Variants in IL1RAP observed in about 807,000 individuals in gnomAD.
IL1RAP encodes the protein interleukin 1 receptor accessory protein, also known as interleukin-1 receptor accessory protein.
IL1RAP carries 35 observed loss-of-function variants against 60.7 expected under a neutral mutation model. The observed-to-expected ratio is 0.58, with a 90% CI of 0.44 to 0.76. The LOEUF (loss-of-function observed/expected upper bound fraction) is 0.76. Among genes scored for constraint, IL1RAP ranks in the 30% least tolerant of loss-of-function variants. IL1RAP has a pLI of 0.00. For missense variants in IL1RAP, 572 were observed against 693.9 expected (o/e 0.82, Z 1.97); for synonymous variants, 268 against 250.9 (o/e 1.07, Z -0.64).
chr3:190,634,961 C>T (rs1282078854), intron 9 of IL1RAP, among the ~76,000 whole-genome samples: 2 of 152,108 alleles, frequency 1.3e-5, no homozygotes, highest in East Asian at 1.9e-4. Flanking sequence ...GTGATCCGCC[C>T]GCCTAGGCCT....
chr3:190,628,905 G>A (rs1016096615), intron 8 of IL1RAP, among the ~76,000 whole-genome samples: 1 of 152,138 alleles, frequency 6.6e-6, no homozygotes, highest in African/African-American at 2.4e-5. Context: ...TGGGCATTAT[G>A]ACTTCCCTCT....
chr3:190,644,312 G>A lies in IL1RAP; in HGVS notation c.1116G>A (p.Val372=). 1 of 1,613,986 alleles carries A rather than the reference G, an allele frequency of 6.2e-7. No individual in the cohort carries two copies. Among genetic ancestry groups the A allele is most frequent in the Non-Finnish European group, 8.5e-7 (1 of 1,179,912 alleles). The change falls in exon 10 of 12, where the codon GTG becomes GTA. Residue 372 remains valine, a synonymous_variant. Transcript: ENST00000447382. ...TTGGAGCCACAGTCCTGCTAGTGGT[G>A]ATTCTCATTGTTGTTTACCATGTTT... ...CGFGATVLLV[V]ILIVVYHVYW...
chr3:190,632,304 A>G (rs1475833582), intron 9 of IL1RAP, among the ~76,000 whole-genome samples: 1 of 152,196 alleles, frequency 6.6e-6, no homozygotes, highest in Non-Finnish European at 1.5e-5. Flanking sequence ...ATGGATGCAT[A>G]GTTTTATTAC....
chr3:190,522,892 C>T (rs1487992779), intron 1 of IL1RAP, among the ~76,000 whole-genome samples: 1 of 152,066 alleles, frequency 6.6e-6, no homozygotes, highest in Non-Finnish European at 1.5e-5. Flanking sequence ...TTTCAGTACT[C>T]AGAGGCAGGA....
chr3:190,609,496 C>G (rs1730637021), intron 5 of IL1RAP, among the ~76,000 whole-genome samples: 1 of 152,170 alleles, frequency 6.6e-6, no homozygotes, highest in Non-Finnish European at 1.5e-5. Flanking sequence ...TTAGTGAAGT[C>G]ATAAGCTGTT....
intron 5 of IL1RAP, among the ~76,000 whole-genome samples, chr3:190,611,082 AAGTGTGTTTTGTAAAGT>A (rs1730784443): frequency 6.6e-6 from 1 of 152,132 alleles, no homozygotes; most frequent in Non-Finnish European, 1.5e-5. Context: ...TGTTGTAGAG[AAGTGTGTTTTGTAAAGT>A]GTTTCTAATA....
At position 190,645,631 on chromosome 3, in the gene IL1RAP, T is replaced by C; in HGVS notation, c.1202-68T>C. The C allele has an allele frequency of 3.8e-6, 5 of 1,310,222 alleles. No homozygotes were observed. In the South Asian group the frequency reaches 5.5e-5, roughly 14 times the overall value. 81.2% of individuals were successfully genotyped at this position (1,310,222 alleles called of 1,614,324 possible). A position where few individuals can be genotyped will look rare whatever the true frequency, so the allele number is the denominator to read the frequency against. ...AAATGTCTAATATGCAGAAGTTAGA[T>C]TTAAGAAAAATGTAATGGTATTGAG... On this transcript the variant is annotated intron_variant, in intron 10 of 11. Coordinates refer to ENST00000447382, the MANE Select transcript of IL1RAP (RefSeq NM_002182.4).
intron 1 of IL1RAP, among the ~76,000 whole-genome samples, chr3:190,547,927 G>A (rs986654117): frequency 6.6e-6 from 1 of 152,190 alleles, no homozygotes; most frequent in Non-Finnish European, 1.5e-5. Context: ...TGCAGGGTCT[G>A]ATGGAGTAAG....
Position 190,573,105 on chromosome 3 carries a change from C to T in IL1RAP, c.64+8752C>T, listed in dbSNP as rs1158927645. ...GTCTCGATCTCCTGACCTCGTGATC[C>T]GCCCGCCTCGGCCTCCCAAAGTTCT... On this transcript the variant is annotated intron_variant, in intron 3 of 11. Coordinates refer to ENST00000447382, the MANE Select transcript of IL1RAP (RefSeq NM_002182.4). Among the ~76,000 whole-genome samples the T allele has an allele frequency of 2.9e-4, 15 of 52,140 alleles. 4 individuals are homozygous for T. The highest frequency in any genetic ancestry group is 1.1e-3 in the African/African-American group (15 of 13,220). The allele number at this position is 52,140 out of a possible 152,430, so 34.2% of individuals were successfully genotyped here. A position where few individuals can be genotyped will look rare whatever the true frequency, so the allele number is the denominator to read the frequency against.
In IL1RAP at chr3:190,656,752, G is replaced by C. The variant is rs981044539; in HGVS notation, c.*145G>C. 4.8e-5 allele frequency: 28 copies of C among 587,962 alleles called. 1 individual carries two copies. The highest frequency in any genetic ancestry group is 2.2e-4 in the African/African-American group (12 of 53,430). The allele number at this position is 587,962 out of a possible 1,614,324, so 36.4% of individuals were successfully genotyped here. ...GATTTTTAAAAACTATTTATTTCTA[G>C]GAGACAAAAGACCTGAAGGACCTGA... is the stretch of plus-strand genomic sequence containing the variant. On this transcript the variant is annotated 3_prime_UTR_variant, in exon 12 of 12. Coordinates refer to the IL1RAP transcript ENST00000317757.
At chr3:190,515,067 G>A (rs1052527945) in intron 1 of IL1RAP, among the ~76,000 whole-genome samples, 3 of 152,170 alleles carry the variant, frequency 2.0e-5, no homozygotes, top group African/African-American at 7.2e-5. Flanking sequence ...GAACCAGGGC[G>A]CCACGCGAAG....
intron 1 of IL1RAP, among the ~76,000 whole-genome samples, chr3:190,536,866 CAT>C (rs1287470464): frequency 1.3e-5 from 2 of 152,008 alleles, no homozygotes; most frequent in African/African-American, 4.8e-5. Flanking sequence ...TTTATATACA[CAT>C]ATGATTCAAT....
intron 10 of IL1RAP, among the ~76,000 whole-genome samples, chr3:190,645,049 A>G (rs547410046): frequency 1.3e-5 from 2 of 152,286 alleles, no homozygotes; most frequent in African/African-American, 4.8e-5. Flanking sequence ...CATATTCCCA[A>G]GTGATTCATG....
intron 2 of IL1RAP, among the ~76,000 whole-genome samples, chr3:190,556,995 A>G (rs990780314): frequency 2.0e-5 from 3 of 152,212 alleles, no homozygotes; most frequent in Non-Finnish European, 4.4e-5. Context: ...CCCTAAGTAG[A>G]GAAATACTTA....
At chr3:190,518,929 C>G (rs1254417171) in intron 1 of IL1RAP, 1 of 152,182 alleles carries the variant, frequency 6.6e-6, no homozygotes, top group Non-Finnish European at 1.5e-5. Flanking sequence ...TGTAACAGCA[C>G]AAAGCAAGAC....
intron 1 of IL1RAP, among the ~76,000 whole-genome samples, chr3:190,516,494 C>T (rs1352542211): frequency 6.6e-6 from 1 of 152,180 alleles, no homozygotes; most frequent in Non-Finnish European, 1.5e-5. Flanking sequence ...GTTACCAAAA[C>T]CATATATATG....
At chr3:190,594,542 G>C (rs1729217269) in intron 3 of IL1RAP, among the ~76,000 whole-genome samples, 1 of 152,132 alleles carries the variant, frequency 6.6e-6, no homozygotes, top group African/African-American at 2.4e-5. Context: ...AAGATTTCTG[G>C]GATCTACCAT....
intron 4 of IL1RAP, among the ~76,000 whole-genome samples, chr3:190,604,655 C>T (rs529225644): frequency 6.6e-6 from 1 of 152,114 alleles, no homozygotes; most frequent in Non-Finnish European, 1.5e-5. Context: ...CAAAGTTGTC[C>T]GAAAGTGGAG....
At chr3:190,639,763 A>G (rs1733515623) in intron 9 of IL1RAP, among the ~76,000 whole-genome samples, 1 of 152,238 alleles carries the variant, frequency 6.6e-6, no homozygotes, top group Non-Finnish European at 1.5e-5. Context: ...AATTACTTGC[A>G]TAACTGCTTG....
Sources: gnomAD v4.1 joint callset for allele counts (sites outside exome capture counted in the v4.1 genomes callset) on GRCh38, gnomAD v4.1.1 for gene constraint, MANE v1.5 for transcripts, NCBI Gene and HGNC (gene_info 2026-07-23, HGNC 2026-07-21) for gene names.